Variants in FRK observed in about 807,000 individuals in gnomAD.
FRK encodes the protein fyn related Src family tyrosine kinase.
In FRK, 51 loss-of-function variants were observed where a neutral mutation model predicts 56.4. The ratio of observed to expected loss-of-function variants is 0.90; its 90% CI spans 0.72 to 1.14. The LOEUF (loss-of-function observed/expected upper bound fraction) is 1.14, where lower values mean the gene tolerates loss of function less well. FRK is among the 50% of genes most tolerant of loss of function. FRK has a pLI of 0.00. For synonymous variants in FRK, 245 were observed against 217.9 expected (o/e 1.12, Z -1.10); for missense variants, 570 against 601.4 (o/e 0.95, Z 0.55).
the FRK span, among the ~76,000 whole-genome samples, chr6:116,091,446 C>T: frequency 8.5e-3 from 1,287 of 152,226 alleles, 10 homozygotes; most frequent in Non-Finnish European, 0.012. Flanking sequence ...TGCTTCTGCT[C>T]GCTCTTTGGG....
At chr6:116,100,098 T>A in the FRK span, among the ~76,000 whole-genome samples, 1 of 152,260 alleles carries the variant, frequency 6.6e-6, no homozygotes, top group Non-Finnish European at 1.5e-5. Context: ...TAAACCCGGT[T>A]TGCAAAAGTT....
chr6:115,994,775 A>G (rs1774771651), intron 2 of FRK, among the ~76,000 whole-genome samples: 1 of 152,102 alleles, frequency 6.6e-6, no homozygotes, highest in South Asian at 2.1e-4. Context: ...TGCCCTTATA[A>G]GAAGAAAAAG....
Position 116,010,965 on chromosome 6 carries a change from T to C in FRK, c.345-6967A>G, listed in dbSNP as rs562707574. Among the ~76,000 whole-genome samples the C allele has an allele frequency of 3.9e-5, 6 of 152,314 alleles. No homozygotes were observed. The East Asian group carries it at 1.2e-3, about 29-fold the overall frequency. Reference sequence around the variant, plus strand: ...CAAGTGACTCTTCTGTCCTGCCTGCTGTTCTGGACTAGGACATGCTGCCAC... The same window carrying C: ...CAAGTGACTCTTCTGTCCTGCCTGCCGTTCTGGACTAGGACATGCTGCCAC... On this transcript the variant is annotated intron_variant, in intron 1 of 7. Coordinates refer to ENST00000606080, the MANE Select transcript of FRK (RefSeq NM_002031.3).
rs189811577 is a variant in FRK at position 115,951,189 on chromosome 6, A to G, written c.958+5263T>C. On this transcript the variant is annotated intron_variant, in intron 5 of 7. Transcript: ENST00000606080. ...TAATCTTAAAAAATAAAAAAAATTG[A>G]AAACAAAATGAATGAAGTTAATATT... Among the ~76,000 whole-genome samples, 322 of 152,338 alleles carry G rather than the reference A, an allele frequency of 2.1e-3. 1 individual carries two copies. Among genetic ancestry groups the G allele is most frequent in the Middle Eastern group, 6.8e-3 (2 of 294 alleles).
intron 1 of FRK, among the ~76,000 whole-genome samples, chr6:116,029,716 G>A (rs116345673): frequency 0.01 from 1,553 of 152,142 alleles, 20 homozygotes; most frequent in African/African-American, 0.031. Context: ...CCTACACAAG[G>A]AAACTGAGAT....
intron 1 of FRK, among the ~76,000 whole-genome samples, chr6:116,010,488 G>GA (rs1295250062): frequency 6.6e-6 from 1 of 152,106 alleles, no homozygotes; most frequent in East Asian, 1.9e-4. Context: ...ATAGATACAG[G>GA]AAAAAATCCC....
chr6:115,942,668 G>T (rs779840411), intron 7 of FRK, 43 bp from the exon 8 acceptor site: 1 of 1,529,484 alleles, frequency 6.5e-7, no homozygotes. Flanking sequence ...AAAAAAACAA[G>T]TTAAAGGTCA....
At chr6:116,042,241 G>T (rs1776749212) in intron 1 of FRK, among the ~76,000 whole-genome samples, 2 of 152,232 alleles carry the variant, frequency 1.3e-5, no homozygotes, top group East Asian at 1.9e-4. Context: ...AAAGGCAGCA[G>T]CCCCAATCAG....
chr6:116,016,403 A>G (rs1332963672), intron 1 of FRK, among the ~76,000 whole-genome samples: 3 of 152,236 alleles, frequency 2.0e-5, no homozygotes, highest in African/African-American at 7.2e-5. Flanking sequence ...GATTATATTA[A>G]TGTATCAAAT....
chr6:115,992,467 TTAAA>T (rs1447916559), intron 2 of FRK, among the ~76,000 whole-genome samples: 2 of 151,794 alleles, frequency 1.3e-5, no homozygotes, highest in Non-Finnish European at 3.0e-5. Context: ...GAATCAATGA[TTAAA>T]TGAATGGTTA....
At chr6:115,991,584 T>G (rs982942891) in intron 2 of FRK, among the ~76,000 whole-genome samples, 5 of 151,848 alleles carry the variant, frequency 3.3e-5, no homozygotes, top group African/African-American at 1.2e-4. Flanking sequence ...TCAATTTGCA[T>G]ATGTTGAATC....
chr6:116,067,493 G>A, the FRK span, among the ~76,000 whole-genome samples: 2 of 151,974 alleles, frequency 1.3e-5, no homozygotes, highest in Non-Finnish European at 2.9e-5. Context: ...ATGTTCCAGT[G>A]AGATGGCGGC....
the FRK span, among the ~76,000 whole-genome samples, chr6:116,066,426 T>A: frequency 6.6e-6 from 1 of 152,000 alleles, no homozygotes; most frequent in African/African-American, 2.4e-5. Context: ...CCCCTTTATA[T>A]ATATATATGT....
rs557190995 is a variant in FRK at position 115,984,502 on chromosome 6, T to A, written c.467-15763A>T. Among the ~76,000 whole-genome samples, 39 of 152,126 alleles carry A rather than the reference T, an allele frequency of 2.6e-4. No homozygotes were observed. In the East Asian group the frequency reaches 7.0e-3, roughly 27 times the overall value. Reference sequence around the variant, plus strand: ...AGCTGAGACTGAAATCCAAATAGTTTGATGTCTGTGCTCTGCAACCTATTG... The same window carrying A: ...AGCTGAGACTGAAATCCAAATAGTTAGATGTCTGTGCTCTGCAACCTATTG... On this transcript the variant is annotated intron_variant, in intron 2 of 7. Transcript: ENST00000606080.
At chr6:116,073,711 G>A in the FRK span, among the ~76,000 whole-genome samples, 2 of 152,094 alleles carry the variant, frequency 1.3e-5, no homozygotes, top group Non-Finnish European at 2.9e-5. Flanking sequence ...CTATTTTTCA[G>A]TTCATGCAAT....
At position 115,938,501 on chromosome 6, in the gene FRK, C is replaced by T. The variant is rs1287494498; in HGVS notation, c.*3913G>A. 1 of 152,126 alleles carries T rather than the reference C, an allele frequency of 6.6e-6. No homozygotes were observed. The highest frequency in any genetic ancestry group is 2.4e-5 in the African/African-American group (1 of 41,420). 9.4% of individuals were successfully genotyped at this position (152,126 alleles called of 1,614,324 possible). Reference sequence around the variant, plus strand: ...AGAACAGAACTGAAGGTGATAGAGACATGAAAAACCTTTCAAAAAATCAAT... The same window carrying T: ...AGAACAGAACTGAAGGTGATAGAGATATGAAAAACCTTTCAAAAAATCAAT... On this transcript the variant is annotated 3_prime_UTR_variant, in exon 8 of 8. Coordinates refer to ENST00000606080, the MANE Select transcript of FRK (RefSeq NM_002031.3).
chr6:116,004,523 C>T lies in FRK; in HGVS notation c.345-525G>A, dbSNP rs370491016. Among the ~76,000 whole-genome samples the T allele has an allele frequency of 5.2e-4, 79 of 152,256 alleles. 1 individual carries two copies. The South Asian group carries it at 0.016, about 30-fold the overall frequency. Reference sequence around the variant, plus strand: ...TTCCCACCTCCACCACTGTCCAACCCTGCCATAAGATGAGATTATTTTGCA... The same window carrying T: ...TTCCCACCTCCACCACTGTCCAACCTTGCCATAAGATGAGATTATTTTGCA... On this transcript the variant is annotated intron_variant, in intron 1 of 7. Transcript: ENST00000606080.
At chr6:116,040,910 A>G (rs1307688497) in intron 1 of FRK, among the ~76,000 whole-genome samples, 1 of 152,088 alleles carries the variant, frequency 6.6e-6, no homozygotes, top group Non-Finnish European at 1.5e-5. Flanking sequence ...ATAAACTAGA[A>G]TATTTTATAA....
intron 5 of FRK, 83 bp downstream of exon 5, chr6:115,956,369 A>T: frequency 9.9e-7 from 1 of 1,011,716 alleles, no homozygotes; most frequent in Non-Finnish European, 1.4e-6. Context: ...CCTTTCGGTT[A>T]CAGAAGGCTT....
Sources: allele counts gnomAD v4.1 joint callset (sites outside exome capture counted in the v4.1 genomes callset), GRCh38; gene constraint gnomAD v4.1.1; transcripts MANE v1.5; gene names NCBI Gene and HGNC (gene_info 2026-07-23, HGNC 2026-07-21).